CDC42SE2: variants seen among roughly 807,000 people sequenced by gnomAD.
CDC42SE2 encodes the protein CDC42 small effector 2.
Under a neutral mutation model 11.5 loss-of-function variants are expected in CDC42SE2, and 3 were observed. The ratio of observed to expected loss-of-function variants is 0.26; its 90% CI spans 0.12 to 0.67. The LOEUF is 0.67. Ranked by LOEUF, CDC42SE2 falls within the 30% of genes least tolerant of loss-of-function variation. CDC42SE2 has a pLI of 0.80. For missense variants in CDC42SE2, 82 were observed against 106.8 expected (o/e 0.77, Z 1.02); for synonymous variants, 33 against 34.8 (o/e 0.95, Z 0.18).
chr5:131,327,223 T>C (rs566099361), intron 2 of CDC42SE2, among the ~76,000 whole-genome samples: 2 of 152,318 alleles, frequency 1.3e-5, no homozygotes, highest in African/African-American at 4.8e-5. Context: ...AGTTTACTTC[T>C]GTATATTTCT....
chr5:131,275,459 G>A (rs959200031), intron 1 of CDC42SE2, among the ~76,000 whole-genome samples: 1 of 151,892 alleles, frequency 6.6e-6, no homozygotes, highest in Non-Finnish European at 1.5e-5. Context: ...ACCAGGCCAG[G>A]CTAATTTTGT....
chr5:131,378,767 T>C (rs80034063), intron 3 of CDC42SE2, among the ~76,000 whole-genome samples: 1,755 of 152,356 alleles, frequency 0.012, 40 homozygotes, highest in African/African-American at 0.038. Flanking sequence ...GGAATCAGAC[T>C]GAACACCACC....
At chr5:131,366,097 C>T (rs1022924684) in intron 3 of CDC42SE2, among the ~76,000 whole-genome samples, 12 of 152,164 alleles carry the variant, frequency 7.9e-5, no homozygotes, top group Non-Finnish European at 1.8e-4. Context: ...CCTAGAAATT[C>T]TAAAGACTAG....
chr5:131,372,144 A>G (rs1165905516), intron 3 of CDC42SE2, among the ~76,000 whole-genome samples: 1 of 152,208 alleles, frequency 6.6e-6, no homozygotes. Context: ...CATATATTCA[A>G]AAGTCATTAA....
rs182688263 is a variant in CDC42SE2, at chr5:131,345,073, C to A, written c.-285-14136C>A. ...AACTAGAGCAGAAAATCTGAAAATTCTAAAAATCAGAGCACCTCTTCTCTT... is the reference window on the plus strand; with the variant it reads ...AACTAGAGCAGAAAATCTGAAAATTATAAAAATCAGAGCACCTCTTCTCTT... On this transcript the variant is annotated intron_variant, in intron 2 of 4. Transcript: ENST00000505065. Among the ~76,000 whole-genome samples, 232 of 152,326 alleles carry A rather than the reference C, an allele frequency of 1.5e-3. 1 individual carries two copies. The highest frequency in any genetic ancestry group is 5.2e-3 in the African/African-American group (216 of 41,578).
At chr5:131,268,875 C>G (rs541306835) in intron 1 of CDC42SE2, among the ~76,000 whole-genome samples, 1 of 150,348 alleles carries the variant, frequency 6.7e-6, no homozygotes, top group East Asian at 2.0e-4. Flanking sequence ...CTCAGCCTCT[C>G]GAGTAGCAGG....
chr5:131,355,436 C>T (rs1580775777), intron 2 of CDC42SE2, among the ~76,000 whole-genome samples: 1 of 151,756 alleles, frequency 6.6e-6, no homozygotes, highest in East Asian at 1.9e-4. Context: ...AGGATTGCTC[C>T]ACTCCACTGC....
At chr5:131,334,301 C>T (rs1230691187) in intron 2 of CDC42SE2, among the ~76,000 whole-genome samples, 1 of 152,096 alleles carries the variant, frequency 6.6e-6, no homozygotes, top group African/African-American at 2.4e-5. Context: ...GCCTTGCATC[C>T]CAGGGAGGAA....
chr5:131,386,370 C>T (rs1441070979), intron 4 of CDC42SE2, among the ~76,000 whole-genome samples: 1 of 152,108 alleles, frequency 6.6e-6, no homozygotes, highest in Non-Finnish European at 1.5e-5. Context: ...TTTTGGGACC[C>T]CTGTTATAAA....
chr5:131,319,434 T>G (rs1301606510), intron 2 of CDC42SE2, among the ~76,000 whole-genome samples: 1 of 152,148 alleles, frequency 6.6e-6, no homozygotes. Context: ...TATATTGATA[T>G]CTAATATAGT....
chr5:131,373,405 C>T (rs1011922338), intron 3 of CDC42SE2, among the ~76,000 whole-genome samples: 1 of 152,190 alleles, frequency 6.6e-6, no homozygotes, highest in Non-Finnish European at 1.5e-5. Flanking sequence ...CAGCATTCTT[C>T]ACCTGCCTTC....
At chr5:131,235,171 G>A in the CDC42SE2 span, among the ~76,000 whole-genome samples, 118 of 152,040 alleles carry the variant, frequency 7.8e-4, no homozygotes, top group African/African-American at 2.8e-3. Context: ...TTACAGGCGT[G>A]AGCCACCGCG....
the CDC42SE2 span, among the ~76,000 whole-genome samples, chr5:131,217,757 A>C: frequency 1.3e-5 from 2 of 152,358 alleles, no homozygotes; most frequent in East Asian, 3.8e-4. Flanking sequence ...TCTGTTTGCC[A>C]AAGACACCAA....
At chr5:131,349,669 G>A (rs546970819) in intron 2 of CDC42SE2, among the ~76,000 whole-genome samples, 5 of 152,140 alleles carry the variant, frequency 3.3e-5, no homozygotes, top group African/African-American at 7.2e-5. Flanking sequence ...AAAATCCATT[G>A]GGAACAACCC....
At chr5:131,347,273 G>C (rs949323521) in intron 2 of CDC42SE2, among the ~76,000 whole-genome samples, 5 of 152,124 alleles carry the variant, frequency 3.3e-5, no homozygotes, top group African/African-American at 1.2e-4. Flanking sequence ...AAGAAGAAAA[G>C]AGAGAAGAAT....
chr5:131,213,301 G>T, the CDC42SE2 span, among the ~76,000 whole-genome samples: 1 of 152,144 alleles, frequency 6.6e-6, no homozygotes, highest in African/African-American at 2.4e-5. Context: ...CTCTAGCTTT[G>T]AAGTTTTTCA....
intron 3 of CDC42SE2, among the ~76,000 whole-genome samples, chr5:131,376,256 C>G (rs888555441): frequency 2.7e-4 from 41 of 151,658 alleles, no homozygotes; most frequent in African/African-American, 9.9e-4. Context: ...AACAAAAAAC[C>G]TTTATTCAAT....
intron 2 of CDC42SE2, among the ~76,000 whole-genome samples, chr5:131,349,581 A>G (rs1561594844): frequency 1.3e-5 from 2 of 152,214 alleles, no homozygotes. Flanking sequence ...TGTGCAGGGA[A>G]TTGGTGCCCC....
chr5:131,351,720 C>A (rs1213143191), intron 2 of CDC42SE2, among the ~76,000 whole-genome samples: 3 of 151,910 alleles, frequency 2.0e-5, no homozygotes, highest in Non-Finnish European at 2.9e-5. Context: ...AAAATAAAAG[C>A]TAAAAAGTCT....
Sources: allele counts gnomAD v4.1 joint callset (sites outside exome capture counted in the v4.1 genomes callset), GRCh38; gene constraint gnomAD v4.1.1; transcripts MANE v1.5; gene names NCBI Gene and HGNC (gene_info 2026-07-23, HGNC 2026-07-21).